KIF26B: variants seen among roughly 807,000 people sequenced by gnomAD.
KIF26B encodes the protein kinesin-like protein KIF26B.
Under a neutral mutation model 151.2 loss-of-function variants are expected in KIF26B, and 63 were observed. The observed-to-expected ratio is 0.42, with a 90% CI of 0.34 to 0.51. The LOEUF (loss-of-function observed/expected upper bound fraction) is 0.51, where lower values mean the gene tolerates loss of function less well. Ranked by LOEUF, KIF26B falls within the 20% of genes least tolerant of loss-of-function variation. The pLI is 0.07. For missense variants in KIF26B, 2,813 were observed against 2,913.6 expected, an observed-to-expected ratio of 0.97 and a Z score of 0.79; for synonymous variants, 1,357 against 1,262.1, an observed-to-expected ratio of 1.08 and a Z score of -1.59.
chr1:245,419,989 G>T (rs1020121502), intron 4 of KIF26B, among the ~76,000 whole-genome samples: 3 of 152,108 alleles, frequency 2.0e-5, no homozygotes, highest in Non-Finnish European at 4.4e-5. Flanking sequence ...ATGTGTGCCC[G>T]CAGTACCCTC....
intron 3 of KIF26B, among the ~76,000 whole-genome samples, chr1:245,370,115 C>T (rs1043137668): frequency 6.6e-6 from 1 of 151,872 alleles, no homozygotes; most frequent in African/African-American, 2.4e-5. Flanking sequence ...TCGATGTCAC[C>T]CGGATATAAA....
At chr1:245,532,240 TTTCTTTTC>T (rs1202160110) in intron 4 of KIF26B, among the ~76,000 whole-genome samples, 22 of 99,312 alleles carry the variant, frequency 2.2e-4, no homozygotes, top group South Asian at 6.1e-4. Flanking sequence ...TTTCTTTTCT[TTTCTTTTC>T]TTTTTTTTTT....
intron 3 of KIF26B, among the ~76,000 whole-genome samples, chr1:245,407,814 C>A (rs1305715154): frequency 6.6e-6 from 1 of 152,060 alleles, no homozygotes; most frequent in African/African-American, 2.4e-5. Context: ...AGACACAGTC[C>A]CTAAGGTCCT....
intron 3 of KIF26B, among the ~76,000 whole-genome samples, chr1:245,373,100 T>A (rs554983827): frequency 6.6e-6 from 1 of 152,232 alleles, no homozygotes; most frequent in Non-Finnish European, 1.5e-5. Flanking sequence ...GTTTTCTAAA[T>A]CCTAGTTTGA....
intron 2 of KIF26B, among the ~76,000 whole-genome samples, chr1:245,364,406 C>G (rs1457750753): frequency 6.7e-6 from 1 of 149,690 alleles, no homozygotes; most frequent in African/African-American, 2.5e-5. Context: ...CATGACTTCT[C>G]ACCCTCTCTC....
intron 10 of KIF26B, among the ~76,000 whole-genome samples, chr1:245,662,864 C>A (rs192527154): frequency 6.9e-6 from 1 of 144,456 alleles, no homozygotes; most frequent in Non-Finnish European, 1.5e-5. Flanking sequence ...ATTATTCCAA[C>A]TCTCCTTTCT....
In KIF26B at chr1:245,218,526, G is replaced by A. The variant is rs888524961; in HGVS notation, c.465+61843G>A. Among the ~76,000 whole-genome samples, 6 of 152,144 alleles carry A rather than the reference G, an allele frequency of 3.9e-5. No homozygotes were observed. Among genetic ancestry groups the A allele is most frequent in the African/African-American group, 1.4e-4 (6 of 41,432 alleles). ...GGGGCCGATGGTTTTCACTCAATCC[G>A]CCGGGAGATCTGAATATCAACTCTC... is the stretch of plus-strand genomic sequence containing the variant. On this transcript the variant is annotated intron_variant, in intron 2 of 14. Transcript: ENST00000407071. This position sits in a 1 kb window ranked among gnomAD's most constrained non-coding sequence, Gnocchi z 4.1.
chr1:245,504,219 C>A (rs1237550084), intron 4 of KIF26B, among the ~76,000 whole-genome samples: 1 of 152,038 alleles, frequency 6.6e-6, no homozygotes, highest in Non-Finnish European at 1.5e-5. Flanking sequence ...CTCCCCAGGG[C>A]CCAGATGGCT....
intron 2 of KIF26B, among the ~76,000 whole-genome samples, chr1:245,209,638 C>T (rs1669474436): frequency 6.6e-6 from 1 of 152,172 alleles, no homozygotes; most frequent in Non-Finnish European, 1.5e-5. Context: ...ATGAGAGATT[C>T]TCATCGGTGG....
At chr1:245,248,103 C>T (rs1006632680) in intron 2 of KIF26B, among the ~76,000 whole-genome samples, 2 of 151,842 alleles carry the variant, frequency 1.3e-5, no homozygotes, top group African/African-American at 4.8e-5. Flanking sequence ...CTGAGCCTTA[C>T]AGCTAAGATG....
intron 2 of KIF26B, among the ~76,000 whole-genome samples, chr1:245,162,350 C>T (rs1446020517): frequency 6.8e-6 from 1 of 148,038 alleles, no homozygotes; most frequent in East Asian, 2.0e-4. Context: ...TCTTTTATAC[C>T]TATAGATGCA....
chr1:245,286,053 A>T (rs959612657), intron 2 of KIF26B, among the ~76,000 whole-genome samples: 2 of 151,784 alleles, frequency 1.3e-5, no homozygotes, highest in Admixed American at 1.3e-4. Flanking sequence ...CATCAGGAGA[A>T]TGCCAACTCA....
chr1:245,270,968 C>A (rs1042957398), intron 2 of KIF26B, among the ~76,000 whole-genome samples: 1 of 152,140 alleles, frequency 6.6e-6, no homozygotes, highest in Non-Finnish European at 1.5e-5. Context: ...GCTTCTTTTG[C>A]ATGTGGGTAT....
intron 2 of KIF26B, among the ~76,000 whole-genome samples, chr1:245,341,173 G>A (rs551179701): frequency 6.6e-6 from 1 of 152,030 alleles, no homozygotes; most frequent in African/African-American, 2.4e-5. Context: ...GCTGGTCATC[G>A]CAGGGGAGCT....
chr1:245,378,095 TAAA>T (rs1673319856), intron 3 of KIF26B, among the ~76,000 whole-genome samples: 1 of 152,174 alleles, frequency 6.6e-6, no homozygotes, highest in East Asian at 1.9e-4. Flanking sequence ...TGAGAGTAGA[TAAA>T]TTTAAGTTGC....
intron 2 of KIF26B, among the ~76,000 whole-genome samples, chr1:245,294,791 T>C (rs1264083129): frequency 6.6e-6 from 1 of 151,826 alleles, no homozygotes; most frequent in Non-Finnish European, 1.5e-5. Context: ...GCTTCCCGAG[T>C]AGCTGGGATT....
intron 2 of KIF26B, among the ~76,000 whole-genome samples, chr1:245,240,405 T>C (rs1376005584): frequency 6.6e-6 from 1 of 152,284 alleles, no homozygotes; most frequent in African/African-American, 2.4e-5. Context: ...ATTGTAACTT[T>C]GGGTTTGTAG....
rs534980240 is a variant in KIF26B at position 245,400,018 on chromosome 1, A to G, written c.1000-19561A>G. ...AATAACCTTTATAGATATTTCTAGT[A>G]TCTACGCTAAGAAAAAGAGTAATGG... On this transcript the variant is annotated intron_variant, in intron 3 of 14. Transcript: ENST00000407071. 7.9e-5 allele frequency among the ~76,000 whole-genome samples: 12 copies of G among 152,330 alleles called. No individual in the cohort carries two copies. The East Asian group carries it at 1.7e-3, about 22-fold the overall frequency.
intron 4 of KIF26B, among the ~76,000 whole-genome samples, chr1:245,435,640 G>A (rs1210110106): frequency 6.6e-6 from 1 of 152,172 alleles, no homozygotes; most frequent in African/African-American, 2.4e-5. Context: ...TGGAAAGTTT[G>A]TCAGTTTCCT....
Sources: allele counts gnomAD v4.1 joint callset (sites outside exome capture counted in the v4.1 genomes callset), GRCh38; gene constraint gnomAD v4.1.1; non-coding constraint Gnocchi (gnomAD v3.1); transcripts MANE v1.5; gene names NCBI Gene and HGNC (gene_info 2026-07-23, HGNC 2026-07-21).